Variants in PPP3R1 observed in about 807,000 individuals in gnomAD.
PPP3R1 encodes protein phosphatase 3 regulatory subunit B, alpha.
PPP3R1 carries 5 observed loss-of-function variants against 22.6 expected under a neutral mutation model. That is an observed-to-expected ratio of 0.22 (90% CI 0.12 to 0.46). The LOEUF (loss-of-function observed/expected upper bound fraction) is 0.46. PPP3R1 is among the 20% of genes least tolerant of loss of function. The pLI is 0.99. For synonymous variants in PPP3R1, 56 were observed against 65.2 expected, an observed-to-expected ratio of 0.86 and a Z score of 0.68; for missense variants, 61 against 203.2, an observed-to-expected ratio of 0.30 and a Z score of 4.25.
At chr2:68,227,511 G>C (rs1411929383) in intron 1 of PPP3R1, among the ~76,000 whole-genome samples, 4 of 150,360 alleles carry the variant, frequency 2.7e-5, no homozygotes, top group East Asian at 1.9e-4. Context: ...AAGATCAAAA[G>C]ACAGAAACAA....
In PPP3R1 at chr2:68,221,275, A is replaced by T. The variant is rs553710918; in HGVS notation, c.4-4144T>A. Among the ~76,000 whole-genome samples, 27 of 152,052 alleles carry T rather than the reference A, an allele frequency of 1.8e-4. 1 individual carries two copies. On this transcript the variant is annotated intron_variant, in intron 1 of 5. Transcript: ENST00000234310. ...GAACCTGAAGGTGGAGGCTGCAGTG[A>T]GCAGAGATTGCACCACTGCACTCCA...
chr2:68,211,272 T>G (rs1323410700), intron 2 of PPP3R1, among the ~76,000 whole-genome samples: 3 of 151,176 alleles, frequency 2.0e-5, no homozygotes. Context: ...CCCGGCGTGG[T>G]GGCGGGCGCC....
At chr2:68,200,756 A>G (rs1674958196) in intron 2 of PPP3R1, among the ~76,000 whole-genome samples, 3 of 152,202 alleles carry the variant, frequency 2.0e-5, no homozygotes, top group African/African-American at 7.2e-5. Context: ...ATGTGGAGAA[A>G]AGAGAATAAG....
At chr2:68,217,271 A>C (rs564389120) in intron 1 of PPP3R1, 140 bp from the exon 2 acceptor site, 3 of 532,418 alleles carry the variant, frequency 5.6e-6, no homozygotes, top group African/African-American at 1.9e-5. Flanking sequence ...AATTACATTT[A>C]TATTTTTAAA....
At chr2:68,234,029 C>G (rs1472129908) in intron 1 of PPP3R1, among the ~76,000 whole-genome samples, 2 of 152,050 alleles carry the variant, frequency 1.3e-5, no homozygotes, top group Non-Finnish European at 2.9e-5. Context: ...CCAAACAATC[C>G]CCTGGGTAAA....
chr2:68,220,245 G>C (rs1454628928), intron 1 of PPP3R1, among the ~76,000 whole-genome samples: 1 of 152,276 alleles, frequency 6.6e-6, no homozygotes, highest in East Asian at 1.9e-4. Flanking sequence ...AAGTTCGTAT[G>C]GCCAAGGAGG....
chr2:68,217,690 G>C (rs1036593928), intron 1 of PPP3R1, among the ~76,000 whole-genome samples: 1 of 152,038 alleles, frequency 6.6e-6, no homozygotes, highest in African/African-American at 2.4e-5. Context: ...CCAGCCACTT[G>C]AAAACCATTT....
In PPP3R1 at chr2:68,251,580, G is replaced by A. The variant is rs1210393730; in HGVS notation, c.3+545C>T. Among the ~76,000 whole-genome samples, 5 of 152,196 alleles carry A rather than the reference G, an allele frequency of 3.3e-5. No homozygotes were observed. In the East Asian group the frequency reaches 7.7e-4, roughly 23 times the overall value. On this transcript the variant is annotated intron_variant, in intron 1 of 5. Coordinates refer to ENST00000234310, the MANE Select transcript of PPP3R1 (RefSeq NM_000945.4). ...CGCTCGCAGGAGAGGGGAAGTGAGT[G>A]GCAGGGTTCCCTGCCAAGACTCACT...
At chr2:68,246,934 G>A (rs1670247470) in intron 1 of PPP3R1, among the ~76,000 whole-genome samples, 1 of 152,054 alleles carries the variant, frequency 6.6e-6, no homozygotes, top group Admixed American at 6.6e-5. Context: ...TAATCACCTA[G>A]ATAACCCAAG....
chr2:68,191,354 A>G (rs1050911387), intron 2 of PPP3R1, among the ~76,000 whole-genome samples: 1 of 152,210 alleles, frequency 6.6e-6, no homozygotes, highest in Admixed American at 6.5e-5. Flanking sequence ...ACAATGCTAA[A>G]TATCTGTGTA....
At chr2:68,211,125 G>A (rs976278128) in intron 2 of PPP3R1, among the ~76,000 whole-genome samples, 4 of 152,094 alleles carry the variant, frequency 2.6e-5, no homozygotes, top group Admixed American at 6.5e-5. Context: ...ACTCCATTGC[G>A]GCTGGGCGCG....
chr2:68,196,024 G>A (rs1158843496), intron 2 of PPP3R1, among the ~76,000 whole-genome samples: 1 of 151,902 alleles, frequency 6.6e-6, no homozygotes, highest in Non-Finnish European at 1.5e-5. Context: ...CCATATTATA[G>A]GATGAGAACT....
At chr2:68,213,602 GAC>G (rs1450670720) in intron 2 of PPP3R1, among the ~76,000 whole-genome samples, 1 of 152,192 alleles carries the variant, frequency 6.6e-6, no homozygotes, top group Non-Finnish European at 1.5e-5. Context: ...ACCAAAATGT[GAC>G]ACAGACAGGA....
At chr2:68,243,490 G>C (rs1160247150) in intron 1 of PPP3R1, among the ~76,000 whole-genome samples, 1 of 152,082 alleles carries the variant, frequency 6.6e-6, no homozygotes, top group African/African-American at 2.4e-5. Context: ...AATCAAGCTT[G>C]AGTTAAAAAA....
intron 1 of PPP3R1, among the ~76,000 whole-genome samples, chr2:68,243,710 T>C (rs1670175803): frequency 1.3e-5 from 2 of 152,180 alleles, no homozygotes; most frequent in South Asian, 2.1e-4. Flanking sequence ...GTTACCTAAT[T>C]AGATTTATCA....
intron 2 of PPP3R1, among the ~76,000 whole-genome samples, chr2:68,214,331 A>T (rs1669536935): frequency 6.6e-6 from 1 of 152,164 alleles, no homozygotes; most frequent in Admixed American, 6.5e-5. Flanking sequence ...GAAACTATCA[A>T]CAGAGTAAAA....
At chr2:68,196,691 TCAC>T (rs1164385790) in intron 2 of PPP3R1, among the ~76,000 whole-genome samples, 1 of 152,136 alleles carries the variant, frequency 6.6e-6, no homozygotes, top group Non-Finnish European at 1.5e-5. Context: ...AAACTCGGTA[TCAC>T]CACCAACAAA....
chr2:68,251,452 G>C (rs1670349529), intron 1 of PPP3R1, among the ~76,000 whole-genome samples: 1 of 152,242 alleles, frequency 6.6e-6, no homozygotes, highest in Non-Finnish European at 1.5e-5. Context: ...GTTCGCGTAT[G>C]TTTTCGTGAA....
At chr2:68,188,383 G>A in intron 3 of PPP3R1, 131 bp downstream of exon 3, 3 of 645,230 alleles carry the variant, frequency 4.6e-6, no homozygotes, top group South Asian at 7.4e-5. Context: ...CACAGACGCT[G>A]AGGTTTTAAC....
Sources: gnomAD v4.1 joint callset for allele counts (sites outside exome capture counted in the v4.1 genomes callset) on GRCh38, gnomAD v4.1.1 for gene constraint, MANE v1.5 for transcripts, NCBI Gene and HGNC (gene_info 2026-07-23, HGNC 2026-07-21) for gene names.